Variants in USP35 observed in about 807,000 individuals in gnomAD.
USP35 encodes the protein ubiquitin specific peptidase 35.
USP35 carries 69 observed loss-of-function variants against 83.8 expected under a neutral mutation model. The observed-to-expected ratio is 0.82, with a 90% CI of 0.68 to 1.01. USP35 has a LOEUF of 1.01. Ranked by LOEUF, USP35 falls within the 50% of genes least tolerant of loss-of-function variation. The pLI is 0.00. For synonymous variants in USP35, 714 were observed against 589.5 expected (o/e 1.21, Z -3.06); for missense variants, 1,503 against 1,362.5 (o/e 1.10, Z -1.62).
intron 1 of USP35, among the ~76,000 whole-genome samples, chr11:78,191,928 C>T (rs2137021119): frequency 1.3e-5 from 2 of 151,254 alleles, no homozygotes; most frequent in South Asian, 4.2e-4. Flanking sequence ...ACTGCAAGCT[C>T]CGCCTCCTGG....
rs1565408780 is a variant in USP35 at position 78,214,682 on chromosome 11, A to ACAGACACCCATGTTCT, written c.*869_*870insCAGACACCCATGTTCT. The ACAGACACCCATGTTCT allele has an allele frequency of 2.0e-5, 3 of 151,896 alleles. No homozygotes were observed. The highest frequency in any genetic ancestry group is 7.2e-5 in the African/African-American group (3 of 41,428). The allele number at this position is 151,896 out of a possible 1,614,324, so 9.4% of individuals were successfully genotyped here. A position where few individuals can be genotyped will look rare whatever the true frequency, so the allele number is the denominator to read the frequency against. On this transcript the variant is annotated 3_prime_UTR_variant, in exon 11 of 11. Coordinates refer to ENST00000529308, the MANE Select transcript of USP35 (RefSeq NM_020798.4). Reference sequence around the variant, plus strand: ...GAAGACAAGACAGACACCCATGTTCATAAATAAATAAAAGTAAGCCTAAGC... The same window carrying ACAGACACCCATGTTCT: ...GAAGACAAGACAGACACCCATGTTCACAGACACCCATGTTCTTAAATAAATAAAAGTAAGCCTAAGC...
chr11:78,208,337 G>A (rs1235093713), intron 8 of USP35, among the ~76,000 whole-genome samples: 1 of 152,192 alleles, frequency 6.6e-6, no homozygotes, highest in African/African-American at 2.4e-5. Context: ...ACATGGCCAG[G>A]CAGCCTGAGA....
chr11:78,211,686 C>G (rs1295460776), intron 10 of USP35, among the ~76,000 whole-genome samples: 1 of 152,116 alleles, frequency 6.6e-6, no homozygotes, highest in African/African-American at 2.4e-5. Context: ...GTTTTGATTT[C>G]TCTAATGGTC....
intron 2 of USP35, 57 bp from the exon 3 acceptor site, chr11:78,197,879 C>T: frequency 6.3e-7 from 1 of 1,584,430 alleles, no homozygotes; most frequent in Non-Finnish European, 8.6e-7. Flanking sequence ...GCATGGTGTG[C>T]TGGGGGAAGG....
intron 6 of USP35, among the ~76,000 whole-genome samples, chr11:78,201,572 T>C (rs1429727842): frequency 2.0e-5 from 3 of 152,160 alleles, no homozygotes; most frequent in Non-Finnish European, 1.5e-5. Context: ...AGATGAGGCC[T>C]CTAAGAAGAA....
intron 6 of USP35, among the ~76,000 whole-genome samples, chr11:78,204,619 C>A (rs142031658): frequency 1.3e-5 from 2 of 152,118 alleles, no homozygotes; most frequent in Non-Finnish European, 2.9e-5. Context: ...TTGTGTCTGC[C>A]TTTTTGCCTC....
Position 78,196,364 on chromosome 11 carries a change from C to A in USP35, c.119C>A (p.Ala40Glu). Residue 40 changes from alanine to glutamate, a missense_variant, in exon 2 of 11, where the codon GCG becomes GAG. By Grantham distance (107) the Ala-to-Glu change is moderately radical. Coordinates refer to ENST00000529308, the MANE Select transcript of USP35 (RefSeq NM_020798.4). The surrounding 1 kb of genome is among the most constrained non-coding windows in gnomAD (Gnocchi z 4.8). ...CCGCTGGAGCGTGAGCAGTGCCTGG[C>A]GCTGCTGGCGCTGGGCGCGCGCCTC... ...RQPLEREQCLALLALGARLYV... is the reference protein window; with the variant it reads ...RQPLEREQCLELLALGARLYV... 6.5e-7 allele frequency: 1 copy of A among 1,529,146 alleles called. No homozygotes were observed. Among genetic ancestry groups the A allele is most frequent in the Non-Finnish European group, 8.7e-7 (1 of 1,151,442 alleles). 94.7% of individuals were successfully genotyped at this position (1,529,146 alleles called of 1,614,324 possible).
chr11:78,192,449 C>T (rs1447850759), intron 1 of USP35, among the ~76,000 whole-genome samples: 1 of 152,208 alleles, frequency 6.6e-6, no homozygotes, highest in African/African-American at 2.4e-5. Context: ...CCTTGTCCTC[C>T]CTTCCCTGGC....
the USP35 span, chr11:78,221,664 C>T: frequency 6.4e-7 from 1 of 1,563,506 alleles, no homozygotes; most frequent in East Asian, 2.2e-5. Context: ...CCAGCGAAGC[C>T]CGAAGGACTC....
rs1230222126 is a variant in USP35 at position 78,196,305 on chromosome 11, GC to G, written c.61del (p.Leu21TrpfsTer169). 1 of 1,593,262 alleles carries G rather than the reference GC, an allele frequency of 6.3e-7. No individual in the cohort carries two copies. Among genetic ancestry groups the G allele is most frequent in the Non-Finnish European group, 8.5e-7 (1 of 1,176,902 alleles). On this transcript the variant is annotated frameshift_variant, in exon 2 of 11. Transcript: ENST00000529308. LOFTEE classifies it high-confidence loss of function. The surrounding 1 kb of genome is among the most constrained non-coding windows in gnomAD (Gnocchi z 4.8). Reference sequence around the variant, plus strand: ...CATACCCGGTCAGCGTGAAGCAGGGGCTGGTTCGGCGCGTGCTGGAGGCGGC... The same window carrying G: ...CATACCCGGTCAGCGTGAAGCAGGGGTGGTTCGGCGCGTGCTGGAGGCGGC... ...SSYPVSVKQG[L>X]VRRVLEAARQ...
At chr11:78,225,159 C>G in the USP35 span, 6 of 1,613,698 alleles carry the variant, frequency 3.7e-6, no homozygotes, top group Non-Finnish European at 4.2e-6. Context: ...GGCCTGCACT[C>G]TCTCCACCAC....
At chr11:78,235,661 G>A in the USP35 span, among the ~76,000 whole-genome samples, 2 of 152,206 alleles carry the variant, frequency 1.3e-5, no homozygotes, top group South Asian at 4.1e-4. Flanking sequence ...AATGCCACCA[G>A]TCTCTGCTAA....
chr11:78,213,640 TCCCAGGAGCAGGAGAAGGAG>T lies in USP35; in HGVS notation c.2890-5_2904del, dbSNP rs1322644054. The T allele has an allele frequency of 5.4e-6, 8 of 1,480,280 alleles. No individual in the cohort carries two copies. The highest frequency in any genetic ancestry group is 1.5e-5 in the African/African-American group (1 of 67,748). The allele number at this position is 1,480,280 out of a possible 1,614,324, so 91.7% of individuals were successfully genotyped here. ...AGTCTAAGTCTCCTCTCATCTGTGT[TCCCAGGAGCAGGAGAAGGAG>T]GCCCGGAGCAGGGCGGCCTACATCT... On this transcript the variant is annotated splice_acceptor_variant and splice_polypyrimidine_tract_variant and coding_sequence_variant and intron_variant, in exon 11 of 11. Transcript: ENST00000529308. LOFTEE classifies it high-confidence loss of function.
chr11:78,223,989 C>T, the USP35 span, among the ~76,000 whole-genome samples: 4 of 151,948 alleles, frequency 2.6e-5, no homozygotes, highest in South Asian at 2.1e-4. Context: ...GGCTGAGGCA[C>T]GAGAATCGCT....
At position 78,213,972 on chromosome 11, in the gene USP35, A is replaced by C; in HGVS notation, c.*159A>C. The C allele has an allele frequency of 1.3e-6, 1 of 758,966 alleles. No individual in the cohort carries two copies. The highest frequency in any genetic ancestry group is 1.9e-6 in the Non-Finnish European group (1 of 520,918). The allele number at this position is 758,966 out of a possible 1,614,324, so 47.0% of individuals were successfully genotyped here. On this transcript the variant is annotated 3_prime_UTR_variant, in exon 11 of 11. Coordinates refer to ENST00000529308, the MANE Select transcript of USP35 (RefSeq NM_020798.4). The stretch of plus-strand genomic sequence containing the variant: ...TACACAGAGATTCTCTCAGATATGG[A>C]AGTAAGACCTAAGTCCCTTTCATTG...
the USP35 span, among the ~76,000 whole-genome samples, chr11:78,236,291 T>C: frequency 6.6e-6 from 1 of 152,362 alleles, no homozygotes; most frequent in Admixed American, 6.5e-5. Flanking sequence ...CTTTTTATCT[T>C]GTGACCTTGC....
At position 78,189,514 on chromosome 11, in the gene USP35, C is replaced by A. The variant is rs372378107; in HGVS notation, c.-11+357C>A. Among the ~76,000 whole-genome samples, 11 of 152,110 alleles carry A rather than the reference C, an allele frequency of 7.2e-5. No individual in the cohort carries two copies. In the East Asian group the frequency reaches 1.6e-3, roughly 21 times the overall value. ...GGGAGGTGGCACAAACTGGGGGGCC[C>A]GAGGCCACCATTGCTTGGAATGGGC... On this transcript the variant is annotated intron_variant, in intron 1 of 10. Transcript: ENST00000529308.
At chr11:78,221,525 C>A in the USP35 span, 130 of 438,996 alleles carry the variant, frequency 3.0e-4, no homozygotes, top group African/African-American at 2.3e-3. Flanking sequence ...TAAACAGGTG[C>A]TCAAGAAGGG....
chr11:78,213,853 C>G lies in USP35; in HGVS notation c.*40C>G, dbSNP rs1264879375. 1.1e-5 allele frequency: 17 copies of G among 1,528,952 alleles called. No homozygotes were observed. Among genetic ancestry groups the G allele is most frequent in the Non-Finnish European group, 1.5e-5 (17 of 1,149,784 alleles). The allele number at this position is 1,528,952 out of a possible 1,614,324, so 94.7% of individuals were successfully genotyped here. A position where few individuals can be genotyped will look rare whatever the true frequency, so the allele number is the denominator to read the frequency against. On this transcript the variant is annotated 3_prime_UTR_variant, in exon 11 of 11. Coordinates refer to ENST00000529308, the MANE Select transcript of USP35 (RefSeq NM_020798.4). ...CAACCTGACCCCTTCCCTCCAGGAG[C>G]CAGGTAGGGCCTGAGGGAAGCTGTG...
Sources: allele counts gnomAD v4.1 joint callset (sites outside exome capture counted in the v4.1 genomes callset), GRCh38; gene constraint gnomAD v4.1.1; non-coding constraint Gnocchi (gnomAD v3.1); transcripts MANE v1.5; gene names NCBI Gene and HGNC (gene_info 2026-07-23, HGNC 2026-07-21).